MAP2K6: variants seen among roughly 807,000 people sequenced by gnomAD.
The protein encoded by MAP2K6 is dual specificity mitogen-activated protein kinase kinase 6.
A neutral mutation model predicts 53.7 loss-of-function variants in MAP2K6; 16 were observed. The ratio of observed to expected loss-of-function variants is 0.30; its 90% CI spans 0.20 to 0.45. The LOEUF (loss-of-function observed/expected upper bound fraction) is 0.45. Ranked by LOEUF, MAP2K6 falls within the 20% of genes least tolerant of loss-of-function variation. The probability of loss-of-function intolerance (pLI) is 1.00; values close to 1 mark genes in which losing one functional copy is unlikely to be tolerated. For synonymous variants in MAP2K6, 132 were observed against 143.1 expected (o/e 0.92, Z 0.55); for missense variants, 204 against 411.9 (o/e 0.50, Z 4.37).
rs545432785 is a variant in MAP2K6 at position 69,450,472 on chromosome 17, T to G, written c.16+35472T>G. On this transcript the variant is annotated intron_variant, in intron 1 of 11. Coordinates refer to ENST00000590474, the MANE Select transcript of MAP2K6 (RefSeq NM_002758.4). ...TGGACCAGCAAAAATTGCTCCTGTT[T>G]CCACAAGTGCTTTTTTCCTTGATAC... is the stretch of plus-strand genomic sequence containing the variant. 3.5e-3 allele frequency among the ~76,000 whole-genome samples: 539 copies of G among 152,324 alleles called. 3 individuals carry two copies. Among genetic ancestry groups the G allele is most frequent in the African/African-American group, 0.012 (503 of 41,568 alleles).
intron 1 of MAP2K6, among the ~76,000 whole-genome samples, chr17:69,448,739 T>C (rs1907068298): frequency 6.6e-6 from 1 of 152,220 alleles, no homozygotes; most frequent in Non-Finnish European, 1.5e-5. Context: ...CTCCTGCTGC[T>C]TTAACTCATC....
At chr17:69,451,368 C>T (rs979168965) in intron 1 of MAP2K6, among the ~76,000 whole-genome samples, 4 of 152,190 alleles carry the variant, frequency 2.6e-5, no homozygotes, top group Admixed American at 1.3e-4. Context: ...GAGCTGCTTT[C>T]GCAGCAGATC....
chr17:69,472,998 C>A (rs1425980764), intron 1 of MAP2K6, among the ~76,000 whole-genome samples: 1 of 152,310 alleles, frequency 6.6e-6, no homozygotes, highest in Non-Finnish European at 1.5e-5. Flanking sequence ...TGAGCCAATG[C>A]GCCTGGCCTA....
intron 1 of MAP2K6, among the ~76,000 whole-genome samples, chr17:69,489,019 G>A (rs554233262): frequency 7.8e-4 from 118 of 152,076 alleles, no homozygotes; most frequent in African/African-American, 2.7e-3. Flanking sequence ...TCAGGAGTTC[G>A]AGACCAGCCT....
chr17:69,462,733 C>T (rs964445451), intron 1 of MAP2K6, among the ~76,000 whole-genome samples: 39 of 152,124 alleles, frequency 2.6e-4, no homozygotes, highest in African/African-American at 9.2e-4. Context: ...CACCTTCATG[C>T]TCTTGTTCTT....
At chr17:69,490,189 C>T (rs1376049175) in intron 1 of MAP2K6, among the ~76,000 whole-genome samples, 1 of 152,152 alleles carries the variant, frequency 6.6e-6, no homozygotes, top group Non-Finnish European at 1.5e-5. Context: ...TATGCTTTTT[C>T]CTCCAAGATG....
At chr17:69,482,512 A>ATTT (rs533571443) in intron 1 of MAP2K6, among the ~76,000 whole-genome samples, 4 of 145,676 alleles carry the variant, frequency 2.7e-5, no homozygotes, top group African/African-American at 1.0e-4. Flanking sequence ...CCATTTGTGT[A>ATTT]TTTTTTTTTT....
At chr17:69,529,450 G>A (rs1409862233) in intron 10 of MAP2K6, among the ~76,000 whole-genome samples, 1 of 150,492 alleles carries the variant, frequency 6.6e-6, no homozygotes, top group Non-Finnish European at 1.5e-5. Flanking sequence ...TCAGAGCATT[G>A]AAACTTTTTA....
chr17:69,436,761 G>A (rs1232727789), intron 1 of MAP2K6, among the ~76,000 whole-genome samples: 2 of 151,918 alleles, frequency 1.3e-5, no homozygotes, highest in Admixed American at 6.6e-5. Context: ...CCCCCATGCA[G>A]CTGAAACTTT....
At chr17:69,457,630 AAAACAAAC>A (rs957323646) in intron 1 of MAP2K6, among the ~76,000 whole-genome samples, 1 of 152,086 alleles carries the variant, frequency 6.6e-6, no homozygotes, top group Admixed American at 6.5e-5. Context: ...ACTTGAGCTA[AAAACAAAC>A]AAACAAACAA....
At chr17:69,434,670 A>G (rs1906580056) in intron 1 of MAP2K6, 1 of 152,218 alleles carries the variant, frequency 6.6e-6, no homozygotes, top group Non-Finnish European at 1.5e-5. Context: ...TAAGCAGTTC[A>G]CATTATTTTT....
chr17:69,529,504 ATTTTTTTTT>A (rs10566943), intron 10 of MAP2K6, among the ~76,000 whole-genome samples: 2 of 98,388 alleles, frequency 2.0e-5, no homozygotes, highest in African/African-American at 4.2e-5. Flanking sequence ...ATGGTTTTTA[ATTTTTTTTT>A]TTTTTTTTTT....
intron 11 of MAP2K6, among the ~76,000 whole-genome samples, chr17:69,537,674 G>T (rs1452261376): frequency 6.6e-6 from 1 of 152,182 alleles, no homozygotes; most frequent in Non-Finnish European, 1.5e-5. Context: ...GAACCATTTT[G>T]CAACTGGATG....
At chr17:69,472,069 T>A (rs1275508634) in intron 1 of MAP2K6, among the ~76,000 whole-genome samples, 1 of 152,174 alleles carries the variant, frequency 6.6e-6, no homozygotes, top group African/African-American at 2.4e-5. Context: ...ATTCTGAGCA[T>A]GTTGATTTCA....
At chr17:69,450,480 T>C (rs971053900) in intron 1 of MAP2K6, among the ~76,000 whole-genome samples, 1 of 152,174 alleles carries the variant, frequency 6.6e-6, no homozygotes, top group African/African-American at 2.4e-5. Context: ...TTTCCACAAG[T>C]GCTTTTTTCC....
chr17:69,537,091 C>T (rs945202594), intron 11 of MAP2K6, among the ~76,000 whole-genome samples: 1 of 151,894 alleles, frequency 6.6e-6, no homozygotes, highest in Non-Finnish European at 1.5e-5. Context: ...CAAAGAAAAA[C>T]AAACAAACAA....
At position 69,542,846 on chromosome 17, in the gene MAP2K6, T is replaced by G. The variant is rs1329330009; in HGVS notation, c.*1093T>G. 1 of 152,226 alleles carries G rather than the reference T, an allele frequency of 6.6e-6. No homozygotes were observed. Among genetic ancestry groups the G allele is most frequent in the East Asian group, 1.9e-4 (1 of 5,194 alleles). The allele number at this position is 152,226 out of a possible 1,614,324, so 9.4% of individuals were successfully genotyped here. On this transcript the variant is annotated 3_prime_UTR_variant, in exon 12 of 12. Transcript: ENST00000590474. ...GTTTTCTTCTTCAGTGAAGCAGCCT[T>G]ACTATTCATAGAAGGGCTAGAATAG... is the stretch of plus-strand genomic sequence containing the variant.
intron 1 of MAP2K6, among the ~76,000 whole-genome samples, chr17:69,501,918 GTT>G (rs11406039): frequency 6.2e-5 from 8 of 129,032 alleles, no homozygotes; most frequent in East Asian, 2.2e-4. Flanking sequence ...TCCCTCCCAT[GTT>G]TTTTTTTTTT....
chr17:69,465,126 T>C (rs550400436), intron 1 of MAP2K6, among the ~76,000 whole-genome samples: 42 of 151,450 alleles, frequency 2.8e-4, no homozygotes, highest in Non-Finnish European at 5.0e-4. Context: ...GAATGGTAGC[T>C]ATTTTAATGG....
Sources: allele counts gnomAD v4.1 joint callset (sites outside exome capture counted in the v4.1 genomes callset), GRCh38; gene constraint gnomAD v4.1.1; transcripts MANE v1.5; gene names NCBI Gene and HGNC (gene_info 2026-07-23, HGNC 2026-07-21).